The following RABGAP1 variants were observed in gnomAD, a reference collection of about 807,000 sequenced individuals.
RABGAP1 encodes the protein RAB GTPase activating protein 1.
A neutral mutation model predicts 137.6 loss-of-function variants in RABGAP1; 23 were observed. That is an observed-to-expected ratio of 0.17 (90% CI 0.12 to 0.24). The LOEUF (loss-of-function observed/expected upper bound fraction) is 0.24, where lower values mean the gene tolerates loss of function less well. RABGAP1 is among the 10% of genes least tolerant of loss of function. RABGAP1 has a pLI of 1.00. For synonymous variants in RABGAP1, 451 were observed against 450.7 expected (o/e 1.00, Z -0.01); for missense variants, 906 against 1,275.8 (o/e 0.71, Z 4.42).
chr9:123,010,274 A>G (rs2030681005), intron 10 of RABGAP1, 80 bp from the exon 11 acceptor site: 2 of 1,299,932 alleles, frequency 1.5e-6, no homozygotes, highest in South Asian at 3.3e-5. Flanking sequence ...CACTGCAATT[A>G]AAAACATTAA....
intron 1 of RABGAP1, among the ~76,000 whole-genome samples, chr9:122,950,845 A>G (rs908886804): frequency 6.6e-6 from 1 of 152,228 alleles, no homozygotes; most frequent in Admixed American, 6.5e-5. Flanking sequence ...CAGTGAAAAG[A>G]AGGACGATGA....
At position 123,100,383 on chromosome 9, in the gene RABGAP1, A is replaced by ATGTG. The variant is rs56811028; in HGVS notation, c.2889+886_2889+889dup. 7.5e-3 allele frequency among the ~76,000 whole-genome samples: 1,018 copies of ATGTG among 136,534 alleles called. 11 individuals are homozygous for ATGTG. Among genetic ancestry groups the ATGTG allele is most frequent in the East Asian group, 0.035 (151 of 4,374 alleles). The allele number at this position is 136,534 out of a possible 152,430, so 89.6% of individuals were successfully genotyped here. ...TTCGTCATAATTAATGTTTAACCAG[A>ATGTG]TGTGTGTGTGTGTGTGTGTGTGTGT... On this transcript the variant is annotated intron_variant, in intron 24 of 25. Transcript: ENST00000373647.
chr9:122,967,461 C>T (rs560866819), intron 2 of RABGAP1, among the ~76,000 whole-genome samples: 4 of 152,274 alleles, frequency 2.6e-5, no homozygotes, highest in East Asian at 3.9e-4. Flanking sequence ...GAAGAGAGAG[C>T]AGAATCTTTG....
chr9:123,080,962 T>C (rs1383843827), intron 19 of RABGAP1, among the ~76,000 whole-genome samples: 1 of 152,130 alleles, frequency 6.6e-6, no homozygotes, highest in Non-Finnish European at 1.5e-5. Context: ...TGTCTCCCCT[T>C]CTACCTCTGC....
At chr9:123,052,807 G>C (rs927649787) in intron 13 of RABGAP1, among the ~76,000 whole-genome samples, 1 of 152,182 alleles carries the variant, frequency 6.6e-6, no homozygotes, top group Non-Finnish European at 1.5e-5. Context: ...GGGCATGATG[G>C]TGCACGCCTG....
intron 13 of RABGAP1, among the ~76,000 whole-genome samples, chr9:123,057,676 C>T (rs1481896647): frequency 6.6e-6 from 1 of 152,120 alleles, no homozygotes. Context: ...GCTGCAATCT[C>T]GGCACTTTGG....
chr9:123,029,198 G>C (rs960658312), intron 13 of RABGAP1, among the ~76,000 whole-genome samples: 4 of 152,150 alleles, frequency 2.6e-5, no homozygotes, highest in Non-Finnish European at 5.9e-5. Context: ...AGATGAGGGC[G>C]AGGGAGGAAT....
At chr9:123,068,355 A>G (rs1030829332) in intron 14 of RABGAP1, among the ~76,000 whole-genome samples, 1 of 151,802 alleles carries the variant, frequency 6.6e-6, no homozygotes, top group Non-Finnish European at 1.5e-5. Flanking sequence ...TCTCAAAAAA[A>G]AAAAAAAAAA....
intron 2 of RABGAP1, among the ~76,000 whole-genome samples, chr9:122,958,059 T>G (rs1331881696): frequency 1.3e-5 from 2 of 152,210 alleles, no homozygotes; most frequent in Non-Finnish European, 2.9e-5. Flanking sequence ...CTATCCCTAC[T>G]GCTCAGTTAG....
intron 6 of RABGAP1, among the ~76,000 whole-genome samples, chr9:122,994,816 T>C (rs1002688074): frequency 6.6e-6 from 1 of 152,164 alleles, no homozygotes; most frequent in Non-Finnish European, 1.5e-5. Context: ...GGGGATTATT[T>C]TGTTAAACTG....
chr9:123,043,340 C>G (rs2033044289), intron 13 of RABGAP1, among the ~76,000 whole-genome samples: 1 of 151,948 alleles, frequency 6.6e-6, no homozygotes, highest in Non-Finnish European at 1.5e-5. Flanking sequence ...GGAGCAGGAA[C>G]AAAGAAGGCA....
intron 18 of RABGAP1, 30 bp from the exon 19 acceptor site, chr9:123,076,604 T>C: frequency 6.4e-7 from 1 of 1,571,072 alleles, no homozygotes; most frequent in Non-Finnish European, 8.6e-7. Context: ...GCAACACATT[T>C]TTTCTATATG....
intron 2 of RABGAP1, among the ~76,000 whole-genome samples, chr9:122,969,029 A>G (rs142318569): frequency 6.6e-6 from 1 of 152,344 alleles, no homozygotes; most frequent in East Asian, 1.9e-4. Context: ...AGAAAGAAAT[A>G]CCCGTATAGT....
intron 13 of RABGAP1, among the ~76,000 whole-genome samples, chr9:123,051,355 C>T (rs12004594): frequency 6.7e-6 from 1 of 149,454 alleles, no homozygotes; most frequent in Admixed American, 6.7e-5. Context: ...TTAAGGGCTT[C>T]TCCTGCCTCA....
chr9:123,068,901 A>C (rs2034268064), intron 14 of RABGAP1, among the ~76,000 whole-genome samples: 1 of 152,254 alleles, frequency 6.6e-6, no homozygotes, highest in Non-Finnish European at 1.5e-5. Flanking sequence ...CCCAATTCTA[A>C]GTTGCTTTCT....
intron 11 of RABGAP1, 121 bp downstream of exon 11, chr9:123,010,649 T>G: frequency 1.0e-6 from 1 of 988,678 alleles, no homozygotes. Context: ...GAATTCCTTA[T>G]GAGAGTTTAC....
chr9:123,029,594 G>T (rs944587674), intron 13 of RABGAP1: 1 of 746,914 alleles, frequency 1.3e-6, no homozygotes, highest in Non-Finnish European at 2.5e-6. Flanking sequence ...TTTGTCATAT[G>T]TAGCTTTGTC....
chr9:123,053,960 G>A (rs2033593705), intron 13 of RABGAP1, among the ~76,000 whole-genome samples: 1 of 152,184 alleles, frequency 6.6e-6, no homozygotes, highest in Non-Finnish European at 1.5e-5. Flanking sequence ...ATTACCCAGT[G>A]AGCCAATTCT....
At position 123,070,466 on chromosome 9, in the gene RABGAP1, C is replaced by T. The variant is rs965113373; in HGVS notation, c.1983+42C>T. 6.2e-7 allele frequency: 1 copy of T among 1,613,352 alleles called. No individual in the cohort carries two copies. Among genetic ancestry groups the T allele is most frequent in the African/African-American group, 1.3e-5 (1 of 74,892 alleles). ...CTGTTATGACTTAACACATGGCCTC[C>T]CTCAGCTTATACTAACCTTAGGCTT... On this transcript the variant is annotated intron_variant, in intron 15 of 25. Transcript: ENST00000373647. The surrounding 1 kb of genome is among the most constrained non-coding windows in gnomAD (Gnocchi z 4.4).
Sources: gnomAD v4.1 joint callset for allele counts (sites outside exome capture counted in the v4.1 genomes callset) on GRCh38, gnomAD v4.1.1 for gene constraint, Gnocchi (gnomAD v3.1) non-coding constraint, MANE v1.5 for transcripts, NCBI Gene and HGNC (gene_info 2026-07-23, HGNC 2026-07-21) for gene names.